Variants in MAPK10 observed in about 807,000 individuals in gnomAD.
MAPK10 encodes the protein JNK3 alpha protein kinase.
MAPK10 carries 25 observed loss-of-function variants against 59.3 expected under a neutral mutation model. The observed-to-expected ratio is 0.42, with a 90% CI of 0.31 to 0.59. The LOEUF is 0.59. Among genes scored for constraint, MAPK10 ranks in the 20% least tolerant of loss-of-function variants. MAPK10 has a pLI of 0.15. For missense variants in MAPK10, 351 were observed against 568.9 expected, an observed-to-expected ratio of 0.62 and a Z score of 3.90; for synonymous variants, 190 against 200.5, an observed-to-expected ratio of 0.95 and a Z score of 0.44.
intron 9 of MAPK10, among the ~76,000 whole-genome samples, chr4:86,088,761 T>G (rs920480267): frequency 6.6e-6 from 1 of 152,150 alleles, no homozygotes; most frequent in Non-Finnish European, 1.5e-5. Context: ...AATAAACCAA[T>G]TAGTATTTGT....
At chr4:86,390,672 T>A (rs781549716) in intron 1 of MAPK10, among the ~76,000 whole-genome samples, 4 of 152,200 alleles carry the variant, frequency 2.6e-5, no homozygotes, top group Non-Finnish European at 4.4e-5. Context: ...AATAGATACA[T>A]GCCCAGATAT....
chr4:86,091,640 T>A (rs748618018), intron 9 of MAPK10, among the ~76,000 whole-genome samples: 1 of 150,110 alleles, frequency 6.7e-6, no homozygotes. Context: ...CTGGTCTCTA[T>A]GTTGCTTTAG....
rs531833943 is a variant in MAPK10 at position 86,017,809 on chromosome 4, G to A, written c.1253-439C>T. Among the ~76,000 whole-genome samples the A allele has an allele frequency of 5.9e-5, 9 of 152,210 alleles. No individual in the cohort carries two copies. The highest frequency in any genetic ancestry group is 2.2e-4 in the African/African-American group (9 of 41,518). On this transcript the variant is annotated intron_variant, in intron 13 of 13. Coordinates refer to ENST00000641462, the MANE Select transcript of MAPK10 (RefSeq NM_138982.4). This position sits in a 1 kb window ranked among gnomAD's most constrained non-coding sequence, Gnocchi z 4.4. The stretch of plus-strand genomic sequence containing the variant: ...ACAATCTCGGCTCACTGCAACCTCT[G>A]CCTCCCAGGTTCAAGCTATTCTCCT...
At chr4:86,067,047 C>A (rs1311407467) in intron 10 of MAPK10, among the ~76,000 whole-genome samples, 2 of 152,020 alleles carry the variant, frequency 1.3e-5, no homozygotes, top group Non-Finnish European at 2.9e-5. Context: ...ATCAAATATG[C>A]AAACTAGTTT....
At chr4:86,587,220 G>A (rs1000508398) in intron 1 of MAPK10, among the ~76,000 whole-genome samples, 4 of 152,162 alleles carry the variant, frequency 2.6e-5, no homozygotes, top group Non-Finnish European at 5.9e-5. Context: ...TTGTACTTAG[G>A]TTTTCTGAGT....
intron 9 of MAPK10, among the ~76,000 whole-genome samples, chr4:86,075,975 G>A (rs1336975890): frequency 1.3e-5 from 2 of 151,806 alleles, no homozygotes; most frequent in East Asian, 1.9e-4. Context: ...GGGCAATGGC[G>A]GGCGCCCCTC....
intron 2 of MAPK10, among the ~76,000 whole-genome samples, chr4:86,266,576 A>G (rs2094245382): frequency 6.6e-6 from 1 of 152,214 alleles, no homozygotes; most frequent in African/African-American, 2.4e-5. Context: ...TTAGAGTAGC[A>G]ATTGGTACAC....
rs752184141 is a variant in MAPK10, at chr4:86,103,201, T to A, written c.410A>T (p.Glu137Val). 1 of 1,608,862 alleles carries A rather than the reference T, an allele frequency of 6.2e-7. No homozygotes were observed. The highest frequency in any genetic ancestry group is 1.1e-5 in the South Asian group (1 of 90,974). ...LNVFTPQKTL[E>V]EFQDVYLVME... Reference sequence around the variant, plus strand: ...TGTTACTTACACATCTTGGAACTCCTCCAGCGTTTTCTGGGGTGTGAAGAC... The same window carrying A: ...TGTTACTTACACATCTTGGAACTCCACCAGCGTTTTCTGGGGTGTGAAGAC... Residue 137 changes from glutamate to valine, a missense_variant, in exon 6 of 14, where the codon GAG becomes GTG. Physicochemically the swap from Glu to Val is moderately radical, Grantham distance 121. Transcript: ENST00000641462.
At chr4:86,056,451 C>G (rs2044558205) in intron 11 of MAPK10, among the ~76,000 whole-genome samples, 1 of 149,876 alleles carries the variant, frequency 6.7e-6, no homozygotes, top group Admixed American at 6.6e-5. Flanking sequence ...ATTTATAAGT[C>G]TATTCTTCAC....
At chr4:86,527,776 G>A (rs1179464962) in intron 1 of MAPK10, among the ~76,000 whole-genome samples, 1 of 152,184 alleles carries the variant, frequency 6.6e-6, no homozygotes, top group Non-Finnish European at 1.5e-5. Flanking sequence ...CCCATCAACA[G>A]TGGACTGGAT....
rs537570565 is a variant in MAPK10 at position 86,194,356 on chromosome 4, C to T, written c.46G>A (p.Val16Met). The change falls in exon 3 of 14, where the codon GTG (valine) becomes ATG (methionine). Residue 16 changes from valine to methionine, a missense_variant. Physicochemically the swap from Val to Met is conservative, Grantham distance 21. Coordinates refer to ENST00000641462, the MANE Select transcript of MAPK10 (RefSeq NM_138982.4). The part of the protein sequence containing the change: ...LYYCSEPTLD[V>M]KIAFCQGFDK... The stretch of plus-strand genomic sequence containing the variant: ...CACACCTGACAAAAGGCAATTTTCA[C>T]ATCCAATGTTGGTTCACTGCAGTAG... 3 of 1,613,626 alleles carry T rather than the reference C, an allele frequency of 1.9e-6. No individual in the cohort carries two copies. Among genetic ancestry groups the T allele is most frequent in the Admixed American group, 1.7e-5 (1 of 60,016 alleles).
chr4:86,394,160 T>G (rs573813708), intron 1 of MAPK10, among the ~76,000 whole-genome samples: 10 of 152,064 alleles, frequency 6.6e-5, no homozygotes, highest in African/African-American at 2.2e-4. Flanking sequence ...TCCCAGCTAC[T>G]TGGGAGGCTG....
rs539912374 is a variant in MAPK10, at chr4:86,221,492, T to A, written c.-6-27085A>T. 2.0e-4 allele frequency among the ~76,000 whole-genome samples: 30 copies of A among 151,078 alleles called. 1 individual carries two copies. The South Asian group carries it at 5.0e-3, about 25-fold the overall frequency. On this transcript the variant is annotated intron_variant, in intron 2 of 13. Transcript: ENST00000641462. ...AAGTATATTTTTGGTTTTTTTTTTT[T>A]ATAAAAACAGGGTCTGGCTCTGTCT... is the stretch of plus-strand genomic sequence containing the variant.
At chr4:86,019,509 G>A (rs1338052422) in intron 13 of MAPK10, among the ~76,000 whole-genome samples, 1 of 151,956 alleles carries the variant, frequency 6.6e-6, no homozygotes, top group Non-Finnish European at 1.5e-5. Context: ...CATAGCTATG[G>A]TACAGAGCTG....
intron 1 of MAPK10, among the ~76,000 whole-genome samples, chr4:86,514,671 A>G (rs1756525540): frequency 6.6e-6 from 1 of 152,104 alleles, no homozygotes; most frequent in Non-Finnish European, 1.5e-5. Context: ...CAAACCTACA[A>G]CTATGATTAC....
intron 1 of MAPK10, among the ~76,000 whole-genome samples, chr4:86,479,875 C>G (rs546670424): frequency 2.0e-5 from 3 of 152,084 alleles, no homozygotes; most frequent in African/African-American, 7.2e-5. Context: ...AATATCCCCC[C>G]TTACCACAAA....
intron 4 of MAPK10, among the ~76,000 whole-genome samples, chr4:86,110,952 T>A (rs147295748): frequency 1.3e-5 from 2 of 152,148 alleles, no homozygotes; most frequent in African/African-American, 2.4e-5. Context: ...ATGTCCCTTG[T>A]TAGCTGTATT....
intron 1 of MAPK10, among the ~76,000 whole-genome samples, chr4:86,414,267 G>T (rs1477854356): frequency 6.6e-6 from 1 of 151,902 alleles, no homozygotes; most frequent in Non-Finnish European, 1.5e-5. Context: ...ACATCCATGT[G>T]GTTCTAGAAC....
intron 1 of MAPK10, among the ~76,000 whole-genome samples, chr4:86,532,628 A>T (rs1461364715): frequency 6.6e-6 from 1 of 152,106 alleles, no homozygotes; most frequent in Non-Finnish European, 1.5e-5. Context: ...ACTTTCTTGG[A>T]TCCACTGAAC....
Sources: gnomAD v4.1 joint callset for allele counts (sites outside exome capture counted in the v4.1 genomes callset) on GRCh38, gnomAD v4.1.1 for gene constraint, Gnocchi (gnomAD v3.1) non-coding constraint, MANE v1.5 for transcripts, NCBI Gene and HGNC (gene_info 2026-07-23, HGNC 2026-07-21) for gene names.